The following TECPR1 variants were observed in gnomAD, a reference collection of about 807,000 sequenced individuals.
TECPR1 encodes tectonin beta-propeller repeat containing 1, also known as tectonin beta-propeller repeat-containing protein 1.
A neutral mutation model predicts 162.4 loss-of-function variants in TECPR1; 122 were observed. The ratio of observed to expected loss-of-function variants is 0.75; its 90% CI spans 0.65 to 0.87. TECPR1 has a LOEUF of 0.87. Among genes scored for constraint, TECPR1 ranks in the 40% least tolerant of loss-of-function variants. TECPR1 has a pLI of 0.00. For missense variants in TECPR1, 1,432 were observed against 1,618.2 expected (o/e 0.88, Z 1.97); for synonymous variants, 642 against 670.6 (o/e 0.96, Z 0.66).
chr7:98,232,750 C>G lies in TECPR1; in HGVS notation c.1818+77G>C. 2 of 1,455,680 alleles carry G rather than the reference C, an allele frequency of 1.4e-6. No homozygotes were observed. Among genetic ancestry groups the G allele is most frequent in the South Asian group, 2.8e-5 (2 of 70,436 alleles). The allele number at this position is 1,455,680 out of a possible 1,614,324, so 90.2% of individuals were successfully genotyped here. A position where few individuals can be genotyped will look rare whatever the true frequency, so the allele number is the denominator to read the frequency against. ...AGGCATCTATCTGTTTCTCTCAGAG[C>G]TGGTACACAGCAGGCGCTCAATGAA... On this transcript the variant is annotated intron_variant, in intron 12 of 25. Coordinates refer to ENST00000447648, the MANE Select transcript of TECPR1 (RefSeq NM_015395.3). The surrounding 1 kb of genome is among the most constrained non-coding windows in gnomAD (Gnocchi z 4.6).
intron 17 of TECPR1, among the ~76,000 whole-genome samples, chr7:98,225,599 G>C (rs1054467040): frequency 5.3e-5 from 8 of 151,836 alleles, no homozygotes; most frequent in South Asian, 2.1e-4. Flanking sequence ...GCATAGAGGG[G>C]AAAAGACTTT....
rs1798449513 is a variant in TECPR1, at chr7:98,231,826, T to C, written c.1952A>G (p.Tyr651Cys). The C allele has an allele frequency of 6.2e-7, 1 of 1,612,342 alleles. No homozygotes were observed. Among genetic ancestry groups the C allele is most frequent in the Non-Finnish European group, 8.5e-7 (1 of 1,179,500 alleles). The change falls in exon 13 of 26, where the codon TAT (tyrosine) becomes TGT (cysteine). Residue 651 changes from tyrosine (Y) to cysteine (C), a missense_variant. Tyr to Cys is a radical substitution (Grantham distance 194). Transcript: ENST00000447648. ...CACCTTCTTCTCCTCGTGGACCACA[T>C]AGTAGATGAAGAGGATGCTGTCCCG... ...GVRDSILFIY[Y>C]VVHEEKKYIH...
chr7:98,243,323 C>T, intron 6 of TECPR1, 144 bp downstream of exon 6: 1 of 1,155,028 alleles, frequency 8.7e-7, no homozygotes, highest in Non-Finnish European at 1.2e-6. Flanking sequence ...ACGCTGGGGG[C>T]TCGGAGGAGA....
chr7:98,227,543 G>A (rs531546086), intron 17 of TECPR1, among the ~76,000 whole-genome samples: 126 of 150,840 alleles, frequency 8.4e-4, no homozygotes, highest in African/African-American at 2.8e-3. Context: ...ACTTCTGACC[G>A]GGCGTGGTGG....
chr7:98,236,254 T>C (rs1243378205), intron 10 of TECPR1, among the ~76,000 whole-genome samples: 1 of 152,026 alleles, frequency 6.6e-6, no homozygotes, highest in African/African-American at 2.4e-5. Flanking sequence ...ATACCAAGTC[T>C]CAAACAAACT....
chr7:98,227,117 G>A (rs776733897), intron 17 of TECPR1, among the ~76,000 whole-genome samples: 5 of 152,096 alleles, frequency 3.3e-5, no homozygotes, highest in African/African-American at 4.8e-5. Flanking sequence ...CTACAGGTCA[G>A]GTGTGGTGGC....
intron 16 of TECPR1, 48 bp downstream of exon 16, chr7:98,228,991 G>T: frequency 6.3e-7 from 1 of 1,577,310 alleles, no homozygotes; most frequent in Non-Finnish European, 8.6e-7. Context: ...GGGGACTAGA[G>T]GAAAGAACGC....
chr7:98,240,824 G>C (rs766772157), intron 8 of TECPR1, 27 bp downstream of exon 8: 2 of 1,562,998 alleles, frequency 1.3e-6, no homozygotes, highest in South Asian at 2.3e-5. Context: ...GGGCTCAAGT[G>C]ATCCCCCAGC....
rs531142602 is a variant in TECPR1 at position 98,231,889 on chromosome 7, C to T, written c.1889G>A (p.Arg630His). Residue 630 changes from arginine (R) to histidine (H), a missense_variant, in exon 13 of 26, where the codon CGC (arginine) becomes CAC (histidine). Coordinates refer to ENST00000447648, the MANE Select transcript of TECPR1 (RefSeq NM_015395.3). ...CCCCGTGAACTGCTCCAGGGCCAAG[C>T]GCACGTCCACCCACTTGTGGGGCTT... ...DWKPHKWVDV[R>H]LALEQFTGHD... 4.4e-5 allele frequency: 71 copies of T among 1,612,030 alleles called. No individual in the cohort carries two copies. Among genetic ancestry groups the T allele is most frequent in the Admixed American group, 1.2e-4 (7 of 60,014 alleles).
At chr7:98,224,980 C>A (rs1163188334) in intron 18 of TECPR1, 26 bp downstream of exon 18, 2 of 1,539,110 alleles carry the variant, frequency 1.3e-6, no homozygotes, top group Non-Finnish European at 8.8e-7. Context: ...GGATTCCCAA[C>A]CCCCCAGGGG....
In TECPR1 at chr7:98,251,485, A is replaced by C. The variant is rs1259061505; in HGVS notation, c.-111T>G. 6.6e-6 allele frequency: 1 copy of C among 152,274 alleles called. No homozygotes were observed. The highest frequency in any genetic ancestry group is 2.4e-5 in the African/African-American group (1 of 41,456). 9.4% of individuals were successfully genotyped at this position (152,274 alleles called of 1,614,324 possible). A position where few individuals can be genotyped will look rare whatever the true frequency, so the allele number is the denominator to read the frequency against. ...CCATCCGGTATGCAAACAGTCGGCA[A>C]TGCCTACTACAGTAGCTCGCTGGCT... On this transcript the variant is annotated 5_prime_UTR_variant, in exon 2 of 26. Transcript: ENST00000447648.
intron 23 of TECPR1, among the ~76,000 whole-genome samples, chr7:98,218,405 C>G (rs1798070104): frequency 6.6e-6 from 1 of 152,042 alleles, no homozygotes. Context: ...AAAGGGCATC[C>G]AAATCGAAAA....
Position 98,223,076 on chromosome 7 carries a change from C to G in TECPR1, c.2842G>C (p.Gly948Arg), listed in dbSNP as rs1584324488. Residue 948 changes from glycine to arginine, a missense_variant, in exon 21 of 26, where the codon GGG becomes CGG. Coordinates refer to ENST00000447648, the MANE Select transcript of TECPR1 (RefSeq NM_015395.3). ...SIIPESPGAE[G>R]SGHSIALWAV... ...CAGAGGGCGATGCTGTGCCCACTCC[C>G]CTCGGCACCCGGGCTCTCCGGGATG... 1.2e-6 allele frequency: 2 copies of G among 1,605,048 alleles called. No homozygotes were observed.
intron 5 of TECPR1, among the ~76,000 whole-genome samples, chr7:98,244,168 A>G (rs1798839525): frequency 6.6e-6 from 1 of 152,126 alleles, no homozygotes; most frequent in Non-Finnish European, 1.5e-5. Flanking sequence ...GCCTCCACTC[A>G]TTGGAGGCCA....
At position 98,223,531 on chromosome 7, in the gene TECPR1, C is replaced by A. The variant is rs997176681; in HGVS notation, c.2747+131G>T. The A allele has an allele frequency of 1.7e-5, 16 of 923,836 alleles. No homozygotes were observed. The African/African-American group carries it at 2.5e-4, about 14-fold the overall frequency. 57.2% of individuals were successfully genotyped at this position (923,836 alleles called of 1,614,324 possible). ...CGGCTTCCCTCTTCACCCTACTCCC[C>A]ACTGCTTCTTCCCTTGGGACTGAGG... On this transcript the variant is annotated intron_variant, in intron 20 of 25. Transcript: ENST00000447648.
At chr7:98,237,538 G>T (rs1218610599) in intron 9 of TECPR1, among the ~76,000 whole-genome samples, 1 of 152,038 alleles carries the variant, frequency 6.6e-6, no homozygotes, top group Non-Finnish European at 1.5e-5. Flanking sequence ...GCGTGATTTC[G>T]GCTCACTGCA....
rs1452144221 is a variant in TECPR1 at position 98,246,179 on chromosome 7, A to T, written c.-19-14T>A. 12 of 1,521,770 alleles carry T rather than the reference A, an allele frequency of 7.9e-6. No homozygotes were observed. Among genetic ancestry groups the T allele is most frequent in the Non-Finnish European group, 9.8e-6 (11 of 1,125,216 alleles). 94.3% of individuals were successfully genotyped at this position (1,521,770 alleles called of 1,614,324 possible). A position where few individuals can be genotyped will look rare whatever the true frequency, so the allele number is the denominator to read the frequency against. The stretch of plus-strand genomic sequence containing the variant: ...GCTGGAGGTAACCTGCGGCAGGAGG[A>T]CGAGGGCCAGCGTTCAGGCTCCCAG... On this transcript the variant is annotated splice_polypyrimidine_tract_variant and intron_variant, in intron 2 of 25. Coordinates refer to ENST00000447648, the MANE Select transcript of TECPR1 (RefSeq NM_015395.3).
At position 98,217,654 on chromosome 7, in the gene TECPR1, A is replaced by C. The variant is rs778129441; in HGVS notation, c.3384+38T>G. ...GTCTTCAGCACCCAGTGCAGGCACA[A>C]GGTGATAACACAGCCCAAGGCCGCG... On this transcript the variant is annotated intron_variant, in intron 25 of 25. Coordinates refer to ENST00000447648, the MANE Select transcript of TECPR1 (RefSeq NM_015395.3). 6 of 1,521,178 alleles carry C rather than the reference A, an allele frequency of 3.9e-6. No individual in the cohort carries two copies. In the Admixed American group the frequency reaches 1.2e-4, roughly 30 times the overall value. The allele number at this position is 1,521,178 out of a possible 1,614,324, so 94.2% of individuals were successfully genotyped here.
chr7:98,233,299 GT>G, intron 11 of TECPR1, 121 bp downstream of exon 11: 1 of 1,266,786 alleles, frequency 7.9e-7, no homozygotes. Context: ...GCTGAGCACA[GT>G]GAGGCGTCCA....
Sources: gnomAD v4.1 joint callset for allele counts (sites outside exome capture counted in the v4.1 genomes callset) on GRCh38, gnomAD v4.1.1 for gene constraint, Gnocchi (gnomAD v3.1) non-coding constraint, MANE v1.5 for transcripts, NCBI Gene and HGNC (gene_info 2026-07-23, HGNC 2026-07-21) for gene names.